Variants in DENND1A observed in about 807,000 individuals in gnomAD.
DENND1A encodes the protein DENN domain-containing protein 1A.
A neutral mutation model predicts 113.7 loss-of-function variants in DENND1A; 51 were observed. The ratio of observed to expected loss-of-function variants is 0.45; its 90% CI spans 0.36 to 0.57. The LOEUF is 0.57. Among genes scored for constraint, DENND1A ranks in the 20% least tolerant of loss-of-function variants. The pLI is 0.00. For missense variants in DENND1A, 1,258 were observed against 1,395.9 expected (o/e 0.90, Z 1.57); for synonymous variants, 565 against 570.8 (o/e 0.99, Z 0.14).
chr9:123,490,607 A>G (rs899816652), intron 13 of DENND1A, among the ~76,000 whole-genome samples: 1 of 152,152 alleles, frequency 6.6e-6, no homozygotes, highest in African/African-American at 2.4e-5. Flanking sequence ...ACAAAAAAAC[A>G]AAAACAAAAA....
At chr9:123,694,113 C>A (rs1037568398) in intron 5 of DENND1A, among the ~76,000 whole-genome samples, 1 of 151,968 alleles carries the variant, frequency 6.6e-6, no homozygotes, top group Admixed American at 6.6e-5. Context: ...CAATTACAGG[C>A]GTGAGCCACT....
chr9:123,878,693 T>C (rs1847875645), intron 2 of DENND1A, among the ~76,000 whole-genome samples: 1 of 150,996 alleles, frequency 6.6e-6, no homozygotes, highest in Non-Finnish European at 1.5e-5. Flanking sequence ...CTGTGAAAGA[T>C]GCAAACCAAG....
intron 1 of DENND1A, among the ~76,000 whole-genome samples, chr9:123,911,843 A>C (rs1854036114): frequency 6.6e-6 from 1 of 152,030 alleles, no homozygotes. Flanking sequence ...GGTGCCCGCC[A>C]CCATGCCCGG....
chr9:123,851,237 A>C (rs1385239220), intron 2 of DENND1A, among the ~76,000 whole-genome samples: 1 of 152,300 alleles, frequency 6.6e-6, no homozygotes, highest in East Asian at 1.9e-4. Flanking sequence ...GTCACTATAC[A>C]TTAGTTTGTA....
intron 1 of DENND1A, among the ~76,000 whole-genome samples, chr9:123,923,310 T>C (rs1331807988): frequency 6.6e-6 from 1 of 152,216 alleles, no homozygotes; most frequent in East Asian, 1.9e-4. Context: ...AAAATTCAAG[T>C]GGCTGACTCT....
At chr9:123,586,266 A>T (rs1181674929) in intron 11 of DENND1A, among the ~76,000 whole-genome samples, 1 of 152,066 alleles carries the variant, frequency 6.6e-6, no homozygotes, top group East Asian at 1.9e-4. Flanking sequence ...CATGAATGGG[A>T]TGTTGATTCT....
intron 2 of DENND1A, among the ~76,000 whole-genome samples, chr9:123,841,824 G>A (rs1841881594): frequency 6.6e-6 from 1 of 152,154 alleles, no homozygotes; most frequent in Admixed American, 6.5e-5. Context: ...TGAATATAGA[G>A]GGTGAGCAGG....
At chr9:123,605,373 G>C (rs909726156) in intron 11 of DENND1A, among the ~76,000 whole-genome samples, 1 of 152,226 alleles carries the variant, frequency 6.6e-6, no homozygotes, top group Non-Finnish European at 1.5e-5. Flanking sequence ...CCTGCTACCA[G>C]AGATGGCACA....
intron 19 of DENND1A, among the ~76,000 whole-genome samples, chr9:123,412,085 C>T (rs949918886): frequency 6.6e-6 from 1 of 152,252 alleles, no homozygotes; most frequent in African/African-American, 2.4e-5. Context: ...CCACCATGCT[C>T]CACACAGGCT....
chr9:123,739,910 T>C (rs73579231), intron 5 of DENND1A, among the ~76,000 whole-genome samples: 4,662 of 146,450 alleles, frequency 0.032, 270 homozygotes, highest in African/African-American at 0.11. Flanking sequence ...CTTAATTCCC[T>C]GGTACATAGG....
chr9:123,621,261 C>T (rs2060949317), intron 10 of DENND1A, among the ~76,000 whole-genome samples: 1 of 151,244 alleles, frequency 6.6e-6, no homozygotes. Context: ...TCTTGGCTCA[C>T]TGTAACCATC....
chr9:123,847,560 A>T (rs1252420976), intron 2 of DENND1A, among the ~76,000 whole-genome samples: 2 of 152,252 alleles, frequency 1.3e-5, no homozygotes, highest in Admixed American at 1.3e-4. Context: ...AAACTAAGAT[A>T]TTTGCCACTA....
intron 5 of DENND1A, among the ~76,000 whole-genome samples, chr9:123,714,606 TACAAAA>T (rs1439711209): frequency 6.6e-6 from 1 of 151,710 alleles, no homozygotes; most frequent in South Asian, 2.1e-4. Context: ...CATCTCAAAA[TACAAAA>T]ACAAAAACAA....
intron 5 of DENND1A, among the ~76,000 whole-genome samples, chr9:123,687,604 G>C (rs920403812): frequency 1.3e-5 from 2 of 152,222 alleles, no homozygotes; most frequent in African/African-American, 4.8e-5. Flanking sequence ...CTTTCAACTA[G>C]AGAGCTGGCA....
intron 13 of DENND1A, among the ~76,000 whole-genome samples, chr9:123,502,309 A>G (rs192587199): frequency 1.3e-3 from 180 of 136,564 alleles, no homozygotes; most frequent in African/African-American, 4.5e-3. Flanking sequence ...CTGTCCCTCT[A>G]GAGAACCCTA....
rs547000153 is a variant in DENND1A, at chr9:123,874,624, TCTAA to T, written c.88+4323_88+4326del. On this transcript the variant is annotated intron_variant, in intron 2 of 23. Coordinates refer to ENST00000394215, the MANE Select transcript of DENND1A (RefSeq NM_001352964.2). Reference sequence around the variant, plus strand: ...CTGGGCAAAGGAGCAAGACTTTGTCTCTAACTAATAAACAAACAAATAAGTAAGA... The same window carrying T: ...CTGGGCAAAGGAGCAAGACTTTGTCTCTAATAAACAAACAAATAAGTAAGA... Among the ~76,000 whole-genome samples the T allele has an allele frequency of 5.5e-3, 834 of 152,266 alleles. 1 individual carries two copies. The highest frequency in any genetic ancestry group is 0.01 in the Middle Eastern group (3 of 294).
intron 12 of DENND1A, among the ~76,000 whole-genome samples, chr9:123,562,475 AT>A (rs2057814374): frequency 6.6e-6 from 1 of 152,188 alleles, no homozygotes; most frequent in African/African-American, 2.4e-5. Context: ...ACACAAAAAG[AT>A]GTCTGTCAAA....
At chr9:123,633,213 G>T (rs942736711) in intron 9 of DENND1A, among the ~76,000 whole-genome samples, 1 of 151,968 alleles carries the variant, frequency 6.6e-6, no homozygotes, top group East Asian at 1.9e-4. Context: ...CAGCCCATAG[G>T]CACCCATTAT....
At chr9:123,605,391 G>C (rs2060110648) in intron 11 of DENND1A, among the ~76,000 whole-genome samples, 2 of 152,174 alleles carry the variant, frequency 1.3e-5, no homozygotes, top group Admixed American at 6.5e-5. Flanking sequence ...ACAGAAGAGG[G>C]GCTGCATAAA....
Sources: allele counts gnomAD v4.1 joint callset (sites outside exome capture counted in the v4.1 genomes callset), GRCh38; gene constraint gnomAD v4.1.1; transcripts MANE v1.5; gene names NCBI Gene and HGNC (gene_info 2026-07-23, HGNC 2026-07-21).